The following MAP3K13 variants were observed in gnomAD, a reference collection of about 807,000 sequenced individuals.
MAP3K13 encodes the protein mitogen-activated protein kinase kinase kinase 13.
Under a neutral mutation model 104.0 loss-of-function variants are expected in MAP3K13, and 52 were observed. The observed-to-expected ratio is 0.50, with a 90% CI of 0.40 to 0.63. The LOEUF (loss-of-function observed/expected upper bound fraction) is 0.63, where lower values mean the gene tolerates loss of function less well. MAP3K13 is among the 20% of genes least tolerant of loss of function. MAP3K13 has a pLI of 0.00. For synonymous variants in MAP3K13, 394 were observed against 442.2 expected (o/e 0.89, Z 1.37); for missense variants, 914 against 1,218.5 (o/e 0.75, Z 3.72).
At chr3:185,295,712 C>T (rs566119135) in intron 2 of MAP3K13, among the ~76,000 whole-genome samples, 10 of 152,054 alleles carry the variant, frequency 6.6e-5, no homozygotes, top group Non-Finnish European at 1.3e-4. Context: ...TCACATCTAG[C>T]ATAGTTGTAA....
chr3:185,365,399 G>A (rs967624314), intron 1 of MAP3K13, among the ~76,000 whole-genome samples: 2 of 152,184 alleles, frequency 1.3e-5, no homozygotes, highest in Non-Finnish European at 2.9e-5. Flanking sequence ...GCCATGTCCT[G>A]GGGAACTGTC....
At chr3:185,451,528 T>TGG in intron 7 of MAP3K13, 133 bp downstream of exon 7, 2 of 629,042 alleles carry the variant, frequency 3.2e-6, no homozygotes, top group Non-Finnish European at 5.7e-6. Context: ...ACACAATAAA[T>TGG]ATGATACTTC....
chr3:185,394,015 G>C (rs1712234785), intron 1 of MAP3K13, among the ~76,000 whole-genome samples: 1 of 152,056 alleles, frequency 6.6e-6, no homozygotes. Context: ...GGAGGTTGAG[G>C]GGGCATTTAG....
intron 2 of MAP3K13, among the ~76,000 whole-genome samples, chr3:185,355,771 G>C (rs1723328131): frequency 6.6e-6 from 1 of 152,130 alleles, no homozygotes; most frequent in African/African-American, 2.4e-5. Flanking sequence ...AAAAAATTAA[G>C]AGATTCAAAG....
intron 1 of MAP3K13, among the ~76,000 whole-genome samples, chr3:185,395,200 A>G (rs1712307946): frequency 6.6e-6 from 1 of 151,890 alleles, no homozygotes; most frequent in African/African-American, 2.4e-5. Context: ...CTTTCTTCCC[A>G]GTCTATTGAC....
intron 2 of MAP3K13, among the ~76,000 whole-genome samples, chr3:185,352,799 A>G (rs760592232): frequency 6.6e-6 from 1 of 152,208 alleles, no homozygotes; most frequent in South Asian, 2.1e-4. Flanking sequence ...TCCTGTATCT[A>G]CTTATTACCT....
At chr3:185,436,777 T>C (rs1577556684) in intron 2 of MAP3K13, among the ~76,000 whole-genome samples, 1 of 151,506 alleles carries the variant, frequency 6.6e-6, no homozygotes, top group South Asian at 2.1e-4. Flanking sequence ...CCAAGGCGGG[T>C]GGATCACCTG....
intron 2 of MAP3K13, among the ~76,000 whole-genome samples, chr3:185,357,316 C>T (rs1380668572): frequency 2.0e-5 from 3 of 151,280 alleles, no homozygotes; most frequent in Non-Finnish European, 4.4e-5. Flanking sequence ...CATGTGGTGG[C>T]GGGCGCCTGT....
chr3:185,415,429 A>AT (rs1713694816), intron 1 of MAP3K13, among the ~76,000 whole-genome samples: 1 of 152,054 alleles, frequency 6.6e-6, no homozygotes, highest in African/African-American at 2.4e-5. Context: ...AAGTGCTGGG[A>AT]TTACAGGTAT....
At chr3:185,458,015 A>G (rs1263463397) in intron 7 of MAP3K13, among the ~76,000 whole-genome samples, 1 of 152,196 alleles carries the variant, frequency 6.6e-6, no homozygotes, top group Admixed American at 6.5e-5. Flanking sequence ...TGTGAGGAGC[A>G]AATGAAAAGA....
intron 1 of MAP3K13, among the ~76,000 whole-genome samples, chr3:185,377,097 C>T (rs1340012217): frequency 3.9e-5 from 6 of 152,014 alleles, no homozygotes; most frequent in Admixed American, 2.0e-4. Context: ...GCTTTGGCAT[C>T]ATGGGGTGCA....
At chr3:185,288,416 A>G (rs567292883) in intron 2 of MAP3K13, among the ~76,000 whole-genome samples, 3 of 150,828 alleles carry the variant, frequency 2.0e-5, no homozygotes, top group African/African-American at 7.3e-5. Context: ...TTATATAGAG[A>G]GAATATATAT....
At position 185,428,745 on chromosome 3, in the gene MAP3K13, A is replaced by C; in HGVS notation, c.164A>C (p.Glu55Ala). 6.2e-7 allele frequency: 1 copy of C among 1,614,198 alleles called. No individual in the cohort carries two copies. The highest frequency in any genetic ancestry group is 8.5e-7 in the Non-Finnish European group (1 of 1,180,040). ...CAGGAAAAGGGGATGGTACGAACAG[A>C]GCTAATCGAGAGCGTGCACAGCCCC... ...DQQEKGMVRT[E>A]LIESVHSPVT... The change falls in exon 2 of 14, where the codon GAG (glutamate) becomes GCG (alanine). Residue 55 changes from glutamate (E) to alanine (A), a missense_variant. Around this residue, in one of 3 missense-constraint regions of MAP3K13, gnomAD observed 156 missense variants for 159.8 expected, o/e 0.98. Coordinates refer to ENST00000265026, the MANE Select transcript of MAP3K13 (RefSeq NM_004721.5).
intron 1 of MAP3K13, among the ~76,000 whole-genome samples, chr3:185,425,879 T>G (rs1003175483): frequency 6.6e-5 from 10 of 152,188 alleles, no homozygotes; most frequent in Non-Finnish European, 1.0e-4. Context: ...ATTGCATCTT[T>G]TACATATCTT....
chr3:185,374,587 C>A (rs984812722), intron 1 of MAP3K13, among the ~76,000 whole-genome samples: 1 of 151,794 alleles, frequency 6.6e-6, no homozygotes, highest in African/African-American at 2.4e-5. Context: ...TCGGGAGGAC[C>A]CAGGACATCC....
intron 8 of MAP3K13, among the ~76,000 whole-genome samples, 200 bp downstream of exon 8, chr3:185,463,859 C>A (rs1322000486): frequency 6.6e-6 from 1 of 152,202 alleles, no homozygotes; most frequent in African/African-American, 2.4e-5. Context: ...CCATTATCCT[C>A]TTTTATTAGG....
chr3:185,339,580 G>C (rs1242274544), intron 2 of MAP3K13, among the ~76,000 whole-genome samples: 2 of 152,284 alleles, frequency 1.3e-5, no homozygotes, highest in Non-Finnish European at 2.9e-5. Context: ...GCAGGGGCTG[G>C]GAAATTTTTT....
At chr3:185,479,621 CAT>C (rs1451469979) in intron 12 of MAP3K13, among the ~76,000 whole-genome samples, 1 of 152,146 alleles carries the variant, frequency 6.6e-6, no homozygotes, top group East Asian at 1.9e-4. Flanking sequence ...TGTTTAGTCA[CAT>C]AAATATATAA....
intron 2 of MAP3K13, chr3:185,292,269 C>T (rs1720770839): frequency 6.6e-6 from 1 of 151,858 alleles, no homozygotes; most frequent in African/African-American, 2.4e-5. Flanking sequence ...CACGCCACTG[C>T]ATTCCAGCCT....
Sources: gnomAD v4.1 joint callset for allele counts (sites outside exome capture counted in the v4.1 genomes callset) on GRCh38, gnomAD v4.1.1 for gene constraint, gnomAD v4.1.1 regional missense constraint, MANE v1.5 for transcripts, NCBI Gene and HGNC (gene_info 2026-07-23, HGNC 2026-07-21) for gene names.